The following EPHB1 variants were observed in gnomAD, a reference collection of about 807,000 sequenced individuals.
EPHB1 encodes EPH receptor B1, also known as ephrin type-B receptor 1.
EPHB1 carries 30 observed loss-of-function variants against 94.4 expected under a neutral mutation model. That is an observed-to-expected ratio of 0.32 (90% confidence interval 0.24 to 0.43). The LOEUF (loss-of-function observed/expected upper bound fraction) is 0.43. Ranked by LOEUF, EPHB1 falls within the 20% of genes least tolerant of loss-of-function variation. The pLI is 1.00. For missense variants in EPHB1, 1,055 were observed against 1,308.3 expected (o/e 0.81, Z 2.99); for synonymous variants, 522 against 489.1 (o/e 1.07, Z -0.89).
chr3:135,248,235 C>T (rs1943974214), intron 13 of EPHB1, 81 bp from the exon 14 acceptor site: 2 of 1,328,762 alleles, frequency 1.5e-6, no homozygotes, highest in Non-Finnish European at 2.0e-6. Flanking sequence ...ATCAGGGAGG[C>T]TCCATATAAA....
intron 1 of EPHB1, among the ~76,000 whole-genome samples, chr3:134,871,222 G>T (rs566579232): frequency 3.2e-4 from 49 of 152,314 alleles, no homozygotes; most frequent in Admixed American, 1.8e-3. Context: ...TACAGCTCAG[G>T]ACCTAATGAA....
intron 3 of EPHB1, among the ~76,000 whole-genome samples, chr3:134,967,040 G>A (rs1465931513): frequency 6.6e-6 from 1 of 152,210 alleles, no homozygotes; most frequent in Admixed American, 6.5e-5. Flanking sequence ...CTAAAGGCTG[G>A]GAGGTCCCAG....
At chr3:135,060,837 G>A (rs1354301068) in intron 3 of EPHB1, among the ~76,000 whole-genome samples, 4 of 151,382 alleles carry the variant, frequency 2.6e-5, no homozygotes, top group Admixed American at 1.3e-4. Context: ...CAATTAAATT[G>A]TTATTGACTA....
chr3:135,104,740 C>T (rs1316788895), intron 3 of EPHB1, among the ~76,000 whole-genome samples: 1 of 152,214 alleles, frequency 6.6e-6, no homozygotes, highest in Non-Finnish European at 1.5e-5. Context: ...ACGTGGATCC[C>T]ATGGGACACA....
At position 135,061,252 on chromosome 3, in the gene EPHB1, A is replaced by G. The variant is rs972614689; in HGVS notation, c.806-45196A>G. On this transcript the variant is annotated intron_variant, in intron 3 of 15. Transcript: ENST00000398015. ...ACCTGAGCAGTATACACGGCATCCT[A>G]TTTGTAGCCTTTTATCTCTTGTCCC... is the stretch of plus-strand genomic sequence containing the variant. Among the ~76,000 whole-genome samples the G allele has an allele frequency of 3.9e-5, 6 of 152,034 alleles. No homozygotes were observed. In the East Asian group the frequency reaches 1.2e-3, roughly 29 times the overall value.
chr3:135,212,274 A>G (rs955300805), intron 12 of EPHB1, among the ~76,000 whole-genome samples: 15 of 152,178 alleles, frequency 9.9e-5, no homozygotes, highest in African/African-American at 3.6e-4. Flanking sequence ...AAAATCTTTG[A>G]TAATGTTAAC....
chr3:134,852,798 TCA>T (rs1328118052), intron 1 of EPHB1, among the ~76,000 whole-genome samples: 1 of 152,168 alleles, frequency 6.6e-6, no homozygotes, highest in Non-Finnish European at 1.5e-5. Context: ...CAGGCCACTG[TCA>T]TGGGATAAGG....
At chr3:134,991,219 T>G (rs760780916) in intron 3 of EPHB1, among the ~76,000 whole-genome samples, 7 of 152,196 alleles carry the variant, frequency 4.6e-5, no homozygotes, top group Non-Finnish European at 1.0e-4. Flanking sequence ...TGTCTGAGGT[T>G]CATTTGTCTT....
chr3:135,164,891 GACAA>G (rs889845115), intron 7 of EPHB1, among the ~76,000 whole-genome samples: 11 of 150,394 alleles, frequency 7.3e-5, no homozygotes, highest in African/African-American at 2.7e-4. Context: ...TTGAATTTCA[GACAA>G]ACAAAAATTA....
intron 1 of EPHB1, among the ~76,000 whole-genome samples, chr3:134,828,134 T>C (rs139342525): frequency 3.9e-5 from 6 of 152,280 alleles, no homozygotes; most frequent in South Asian, 2.1e-4. Flanking sequence ...TGGTGCCCCA[T>C]TGAGGGAAGT....
In EPHB1 at chr3:135,068,071, G is replaced by A. The variant is rs575299603; in HGVS notation, c.806-38377G>A. On this transcript the variant is annotated intron_variant, in intron 3 of 15. Coordinates refer to ENST00000398015, the MANE Select transcript of EPHB1 (RefSeq NM_004441.5). The stretch of plus-strand genomic sequence containing the variant: ...GTATTTGGGGTGTCTCCCAGTTCCT[G>A]CAGGAGCAGGTCACTTCCTTCAGAG... Among the ~76,000 whole-genome samples the A allele has an allele frequency of 2.0e-5, 3 of 152,162 alleles. No homozygotes were observed. The South Asian group carries it at 6.2e-4, about 32-fold the overall frequency.
intron 1 of EPHB1, among the ~76,000 whole-genome samples, chr3:134,906,851 G>C (rs891453196): frequency 1.3e-5 from 2 of 152,206 alleles, no homozygotes; most frequent in East Asian, 1.9e-4. Context: ...CACCCCAGAG[G>C]TCTAGGGAGT....
chr3:135,056,250 T>C (rs944919527), intron 3 of EPHB1, among the ~76,000 whole-genome samples: 5 of 152,240 alleles, frequency 3.3e-5, no homozygotes, highest in Admixed American at 2.6e-4. Context: ...GGCTCCCTTC[T>C]GTGGAGCTGG....
At chr3:134,947,740 T>G (rs80353360) in intron 2 of EPHB1, among the ~76,000 whole-genome samples, 3,813 of 152,310 alleles carry the variant, frequency 0.025, 66 homozygotes, top group South Asian at 0.04. Context: ...TTTTCTAAGA[T>G]AAATTTTCTC....
chr3:134,932,015 G>T (rs1294065727), intron 2 of EPHB1, among the ~76,000 whole-genome samples: 1 of 150,222 alleles, frequency 6.7e-6, no homozygotes, highest in African/African-American at 2.5e-5. Context: ...ACATATGCTT[G>T]TATGTGTGTG....
In EPHB1 at chr3:135,132,749, G is replaced by A. The variant is rs748976557; in HGVS notation, c.997G>A (p.Val333Ile). 4.7e-5 allele frequency: 75 copies of A among 1,606,886 alleles called. No homozygotes were observed. Among genetic ancestry groups the A allele is most frequent in the Non-Finnish European group, 5.6e-5 (66 of 1,174,596 alleles). ...AGGTCCCCGCAATGTTATCTCCATC[G>A]TCAATGAGACGTCCATCATTCTGGA... ...PSGPRNVISI[V>I]NETSIILEWH... Residue 333 changes from valine to isoleucine, a missense_variant, in exon 5 of 16, where the codon GTC becomes ATC. By Grantham distance (29) the Val-to-Ile change is conservative. Transcript: ENST00000398015.
rs139013395 is a variant in EPHB1, at chr3:135,117,906, G to A, written c.961+11303G>A. Among the ~76,000 whole-genome samples the A allele has an allele frequency of 1.1e-3, 173 of 152,292 alleles. 2 individuals carry two copies. Among genetic ancestry groups the A allele is most frequent in the African/African-American group, 3.6e-3 (151 of 41,566 alleles). On this transcript the variant is annotated intron_variant, in intron 4 of 15. Coordinates refer to ENST00000398015, the MANE Select transcript of EPHB1 (RefSeq NM_004441.5). ...TGTAGTGAGATGAAGCCAGGTGCAG[G>A]CTGTCTCTTCTGGGGCAGAGGTGCC...
At chr3:135,178,654 A>G (rs1942061575) in intron 9 of EPHB1, among the ~76,000 whole-genome samples, 1 of 152,028 alleles carries the variant, frequency 6.6e-6, no homozygotes, top group Admixed American at 6.6e-5. Flanking sequence ...ACCAGGGAAC[A>G]AGCTGTAGTG....
intron 6 of EPHB1, among the ~76,000 whole-genome samples, chr3:135,161,025 G>GA (rs1477432041): frequency 6.6e-6 from 1 of 152,198 alleles, no homozygotes; most frequent in African/African-American, 2.4e-5. Flanking sequence ...TAGTTTTTAA[G>GA]AAAAGAAGTG....
Sources: gnomAD v4.1 joint callset for allele counts (sites outside exome capture counted in the v4.1 genomes callset) on GRCh38, gnomAD v4.1.1 for gene constraint, MANE v1.5 for transcripts, NCBI Gene and HGNC (gene_info 2026-07-23, HGNC 2026-07-21) for gene names.